Variants in IQSEC1 observed in about 807,000 individuals in gnomAD.
The protein encoded by IQSEC1 is IQ motif and Sec7 domain ArfGEF 1, also known as IQ motif and SEC7 domain-containing protein 1.
Under a neutral mutation model 91.0 loss-of-function variants are expected in IQSEC1, and 31 were observed. The observed-to-expected ratio is 0.34, with a 90% CI of 0.26 to 0.46. The LOEUF (loss-of-function observed/expected upper bound fraction) is 0.46. Among genes scored for constraint, IQSEC1 ranks in the 20% least tolerant of loss-of-function variants. The probability of loss-of-function intolerance (pLI) is 1.00; values close to 1 mark genes in which losing one functional copy is unlikely to be tolerated. For synonymous variants in IQSEC1, 699 were observed against 662.6 expected (o/e 1.05, Z -0.84); for missense variants, 1,388 against 1,575.6 (o/e 0.88, Z 2.02).
chr3:12,944,601 C>G (rs1023844533), intron 1 of IQSEC1, among the ~76,000 whole-genome samples: 1 of 152,204 alleles, frequency 6.6e-6, no homozygotes, highest in Non-Finnish European at 1.5e-5. Context: ...CACACACGCC[C>G]GGGACTGGAA....
chr3:13,179,304 G>A (rs1693792639), intron 1 of IQSEC1, among the ~76,000 whole-genome samples: 1 of 152,102 alleles, frequency 6.6e-6, no homozygotes, highest in Non-Finnish European at 1.5e-5. Context: ...CCTGCTGGAA[G>A]ACAAAACCAA....
chr3:13,030,122 C>A (rs1029316875), intron 1 of IQSEC1, among the ~76,000 whole-genome samples: 1 of 152,122 alleles, frequency 6.6e-6, no homozygotes, highest in Non-Finnish European at 1.5e-5. Flanking sequence ...TTTTTTTATA[C>A]AGTCTAACTC....
intron 2 of IQSEC1, among the ~76,000 whole-genome samples, chr3:13,144,325 G>A (rs780358522): frequency 6.6e-5 from 10 of 152,218 alleles, no homozygotes; most frequent in South Asian, 2.1e-4. Flanking sequence ...AAACCCAGCC[G>A]TGGATGCCTG....
At chr3:13,256,718 G>C (rs1695291958) in intron 1 of IQSEC1, among the ~76,000 whole-genome samples, 1 of 152,226 alleles carries the variant, frequency 6.6e-6, no homozygotes, top group Non-Finnish European at 1.5e-5. Context: ...ATGGTGGGAA[G>C]ATAGAAAGTG....
intron 2 of IQSEC1, among the ~76,000 whole-genome samples, chr3:13,088,507 C>T (rs1705779315): frequency 6.6e-6 from 1 of 152,032 alleles, no homozygotes. Flanking sequence ...TCCCTGGTTC[C>T]TGTCGCCCTC....
chr3:13,047,556 G>T, intron 1 of IQSEC1: 2 of 977,134 alleles, frequency 2.0e-6, no homozygotes, highest in Non-Finnish European at 2.4e-6. Flanking sequence ...GGTTACTTAT[G>T]GTCCCACACA....
intron 1 of IQSEC1, among the ~76,000 whole-genome samples, chr3:12,985,169 G>A (rs1701666632): frequency 6.6e-6 from 1 of 152,242 alleles, no homozygotes; most frequent in Non-Finnish European, 1.5e-5. Context: ...AATCAAGACT[G>A]CATCCCTACA....
intron 3 of IQSEC1, among the ~76,000 whole-genome samples, chr3:12,933,850 C>T (rs1277741523): frequency 3.9e-5 from 6 of 152,264 alleles, no homozygotes; most frequent in Non-Finnish European, 8.8e-5. Context: ...AATGTATTCA[C>T]GTGCTACACA....
chr3:13,273,436 G>C lies in IQSEC1; in HGVS notation c.272+9275C>G, dbSNP rs149227726. On this transcript the variant is annotated intron_variant, in intron 1 of 15. Coordinates refer to the IQSEC1 transcript ENST00000648114. ...CTGTTTCAAGAACTCCCCGTTTCAA[G>C]AACTCCCCATTCCAAGAACTGCTGC... 2.0e-5 allele frequency among the ~76,000 whole-genome samples: 3 copies of C among 152,322 alleles called. No homozygotes were observed. The East Asian group carries it at 5.8e-4, about 29-fold the overall frequency.
rs977078614 is a variant in IQSEC1 at position 12,899,243 on chromosome 3, C to T, written c.*1740G>A. On this transcript the variant is annotated 3_prime_UTR_variant, in exon 14 of 14. Transcript: ENST00000613206. ...TGACACACAGCCAGAGGGGGCTCCCCTCTCCTCCTGCCGTCCGGCCACGGC... is the reference window on the plus strand; with the variant it reads ...TGACACACAGCCAGAGGGGGCTCCCTTCTCCTCCTGCCGTCCGGCCACGGC... 20 of 880,852 alleles carry T rather than the reference C, an allele frequency of 2.3e-5. No homozygotes were observed. Among genetic ancestry groups the T allele is most frequent in the African/African-American group, 1.9e-4 (11 of 58,934 alleles). The allele number at this position is 880,852 out of a possible 1,614,324, so 54.6% of individuals were successfully genotyped here.
chr3:13,247,322 A>ATGTGTGTTATGAAATC (rs1401512822), intron 1 of IQSEC1, among the ~76,000 whole-genome samples: 1 of 152,112 alleles, frequency 6.6e-6, no homozygotes, highest in Non-Finnish European at 1.5e-5. Flanking sequence ...ATCTCATAAC[A>ATGTGTGTTATGAAATC]TGACAATCTG....
rs1575821543 is a variant in IQSEC1 at position 12,899,330 on chromosome 3, C to T, written c.*1653G>A. 2 of 1,587,178 alleles carry T rather than the reference C, an allele frequency of 1.3e-6. No homozygotes were observed. Among genetic ancestry groups the T allele is most frequent in the East Asian group, 2.3e-5 (1 of 44,310 alleles). Reference sequence around the variant, plus strand: ...CCGCAGAGTCAGGCGTGAGCTTCGCCCTTTCTGAAAGGGCCTCCGCCTGGG... The same window carrying T: ...CCGCAGAGTCAGGCGTGAGCTTCGCTCTTTCTGAAAGGGCCTCCGCCTGGG... On this transcript the variant is annotated 3_prime_UTR_variant, in exon 14 of 14. Coordinates refer to ENST00000613206, the MANE Select transcript of IQSEC1 (RefSeq NM_001134382.3).
chr3:12,933,719 T>C (rs1448361986), intron 3 of IQSEC1, among the ~76,000 whole-genome samples: 2 of 152,176 alleles, frequency 1.3e-5, no homozygotes, highest in African/African-American at 4.8e-5. Context: ...TAACCATGGC[T>C]GTCTAGAGTT....
intron 4 of IQSEC1, among the ~76,000 whole-genome samples, chr3:12,923,714 C>T (rs1374622914): frequency 6.6e-6 from 1 of 152,256 alleles, no homozygotes; most frequent in Non-Finnish European, 1.5e-5. Context: ...GGCAGGCGTA[C>T]TGGCCAGCCC....
intron 1 of IQSEC1, among the ~76,000 whole-genome samples, chr3:13,250,620 T>TTATTTTATTTTATTTTATTTTATTTTAG (rs1227649792): frequency 6.6e-6 from 1 of 150,894 alleles, no homozygotes. Context: ...TTATTTTATT[T>TTATTTTATTTTATTTTATTTTATTTTAG]TATTTTATTT....
chr3:13,153,245 A>T (rs1288576674), intron 2 of IQSEC1, among the ~76,000 whole-genome samples: 2 of 152,096 alleles, frequency 1.3e-5, no homozygotes, highest in African/African-American at 4.8e-5. Flanking sequence ...AGTCTGGTCC[A>T]GCGGAAGTTG....
intron 1 of IQSEC1, among the ~76,000 whole-genome samples, chr3:13,199,900 CAACA>C (rs1694208434): frequency 1.3e-5 from 2 of 151,558 alleles, no homozygotes; most frequent in South Asian, 2.1e-4. Context: ...CACACACACA[CAACA>C]AACAGATACA....
rs1347606937 is a variant in IQSEC1 at position 12,959,141 on chromosome 3, C to T, written c.24-17276G>A. ...TGGGCAGGAGCCAGATCAGAAACCC[C>T]AGGAAGGAAAAGACTGTGTGAAGTA... On this transcript the variant is annotated intron_variant, in intron 1 of 13. Coordinates refer to ENST00000613206, the MANE Select transcript of IQSEC1 (RefSeq NM_001134382.3). 7.9e-5 allele frequency among the ~76,000 whole-genome samples: 12 copies of T among 152,166 alleles called. No individual in the cohort carries two copies. In the East Asian group the frequency reaches 2.3e-3, roughly 29 times the overall value.
chr3:13,084,880 A>C (rs778636782), intron 2 of IQSEC1, among the ~76,000 whole-genome samples: 3 of 151,086 alleles, frequency 2.0e-5, no homozygotes, highest in Non-Finnish European at 4.4e-5. Context: ...AGAAAGTGAT[A>C]AGGGCAGCCT....
Sources: gnomAD v4.1 joint callset for allele counts (sites outside exome capture counted in the v4.1 genomes callset) on GRCh38, gnomAD v4.1.1 for gene constraint, MANE v1.5 for transcripts, NCBI Gene and HGNC (gene_info 2026-07-23, HGNC 2026-07-21) for gene names.